The following PDC variants were observed in gnomAD, a reference collection of about 807,000 sequenced individuals.
The protein encoded by PDC is phosducin.
A neutral mutation model predicts 22.2 loss-of-function variants in PDC; 19 were observed. That is an observed-to-expected ratio of 0.86 (90% confidence interval 0.60 to 1.26). The LOEUF is 1.26. PDC is among the 50% of genes most tolerant of loss of function. PDC has a pLI of 0.00. For synonymous variants in PDC, 97 were observed against 96.2 expected (o/e 1.01, Z -0.05); for missense variants, 274 against 286.8 (o/e 0.96, Z 0.32).
At chr1:186,456,418 T>C (rs1018287131) in intron 1 of PDC, among the ~76,000 whole-genome samples, 1 of 152,200 alleles carries the variant, frequency 6.6e-6, no homozygotes, top group African/African-American at 2.4e-5. Context: ...TATTCCTTTT[T>C]TCTTTTTGCA....
intron 1 of PDC, among the ~76,000 whole-genome samples, chr1:186,458,016 G>A (rs1662503237): frequency 6.6e-6 from 1 of 152,032 alleles, no homozygotes; most frequent in African/African-American, 2.4e-5. Context: ...TTCAACAAAT[G>A]GGACTGGGCA....
At chr1:186,454,126 C>CTGAATGTAATA (rs1662404637) in intron 1 of PDC, among the ~76,000 whole-genome samples, 1 of 149,654 alleles carries the variant, frequency 6.7e-6, no homozygotes, top group Non-Finnish European at 1.5e-5. Context: ...TTAGTTTATA[C>CTGAATGTAATA]TGAATGTAAT....
At chr1:186,449,345 A>C in intron 2 of PDC, 54 bp downstream of exon 2, 6 of 1,012,650 alleles carry the variant, frequency 5.9e-6, no homozygotes, top group South Asian at 1.4e-5. Context: ...AACATTAGAT[A>C]TTGCCATATT....
intron 1 of PDC, among the ~76,000 whole-genome samples, chr1:186,455,994 A>AAAAAAATATATATATATAT (rs1553242743): frequency 1.3e-5 from 1 of 77,104 alleles, no homozygotes; most frequent in African/African-American, 6.9e-5. Context: ...AAAAAAAAAA[A>AAAAAAATATATATATATAT]ATATATATAT....
At chr1:186,454,168 CT>C (rs397860509) in intron 1 of PDC, among the ~76,000 whole-genome samples, 3,389 of 94,244 alleles carry the variant, frequency 0.036, 47 homozygotes, top group African/African-American at 0.14. Flanking sequence ...TCTTTTCTTT[CT>C]TTTTTTTTTT....
chr1:186,461,054 C>T lies in PDC; in HGVS notation c.-25+5G>A, dbSNP rs975836358. On this transcript the variant is annotated splice_donor_5th_base_variant and intron_variant, in intron 1 of 3. Coordinates refer to ENST00000391997, the MANE Select transcript of PDC (RefSeq NM_002597.5). The stretch of plus-strand genomic sequence containing the variant: ...TATTATCAAAAGGACTACTTGTGGA[C>T]TCACAGTTTGGATCTCTGTGCCTGG... 6.5e-6 allele frequency: 1 copy of T among 154,780 alleles called. No individual in the cohort carries two copies. The highest frequency in any genetic ancestry group is 2.4e-5 in the African/African-American group (1 of 41,516). 9.6% of individuals were successfully genotyped at this position (154,780 alleles called of 1,614,324 possible). A position where few individuals can be genotyped will look rare whatever the true frequency, so the allele number is the denominator to read the frequency against.
At position 186,443,882 on chromosome 1, in the gene PDC, G is replaced by A. The variant is rs111669176; in HGVS notation, c.*97C>T. On this transcript the variant is annotated 3_prime_UTR_variant, in exon 4 of 4. Coordinates refer to ENST00000391997, the MANE Select transcript of PDC (RefSeq NM_002597.5). ...TCATTTTTGTCAAGTTAGCATAGCCGTGCCCATACTCTGTGTTCACTAAAG... is the reference window on the plus strand; with the variant it reads ...TCATTTTTGTCAAGTTAGCATAGCCATGCCCATACTCTGTGTTCACTAAAG... 24 of 840,776 alleles carry A rather than the reference G, an allele frequency of 2.9e-5. No individual in the cohort carries two copies. Among genetic ancestry groups the A allele is most frequent in the Middle Eastern group, 3.4e-4 (1 of 2,956 alleles). 52.1% of individuals were successfully genotyped at this position (840,776 alleles called of 1,614,324 possible).
At chr1:186,452,777 G>T (rs531469752) in intron 1 of PDC, among the ~76,000 whole-genome samples, 80 of 152,226 alleles carry the variant, frequency 5.3e-4, no homozygotes, top group African/African-American at 1.9e-3. Flanking sequence ...ACAGGTCTTT[G>T]GGTAAGCACA....
At chr1:186,460,280 T>C (rs2102142111) in intron 1 of PDC, among the ~76,000 whole-genome samples, 1 of 152,344 alleles carries the variant, frequency 6.6e-6, no homozygotes. Flanking sequence ...TGCAGTGTAC[T>C]GAGTAGCTTG....
intron 2 of PDC, among the ~76,000 whole-genome samples, chr1:186,449,125 A>G (rs868162338): frequency 6.6e-6 from 1 of 152,092 alleles, no homozygotes; most frequent in Non-Finnish European, 1.5e-5. Context: ...TGGCTTAATT[A>G]TAGTGTAGAT....
intron 3 of PDC, 122 bp downstream of exon 3, chr1:186,446,304 T>C (rs1229224829): frequency 1.1e-5 from 7 of 638,308 alleles, no homozygotes; most frequent in Non-Finnish European, 1.7e-5. Context: ...CCATTTTTTT[T>C]TGCCAGCGTA....
chr1:186,446,386 C>T (rs1662227793), intron 3 of PDC, 40 bp downstream of exon 3: 2 of 1,431,792 alleles, frequency 1.4e-6, no homozygotes, highest in Non-Finnish European at 1.9e-6. Flanking sequence ...TTAGAAAACA[C>T]ATTGTAAATT....
Position 186,446,469 on chromosome 1 carries a change from T to C in PDC, c.170A>G (p.Gln57Arg). The C allele has an allele frequency of 6.2e-7, 1 of 1,609,370 alleles. No homozygotes were observed. Among genetic ancestry groups the C allele is most frequent in the Non-Finnish European group, 8.5e-7 (1 of 1,176,568 alleles). The change falls in exon 3 of 4, where the codon CAG becomes CGG. Residue 57 changes from glutamine to arginine, a missense_variant. Gln to Arg is a conservative substitution (Grantham distance 43, BLOSUM62 1). Coordinates refer to ENST00000391997, the MANE Select transcript of PDC (RefSeq NM_002597.5). ...CTTTGAATCTTTGCCATTCCTACTC[T>C]GAGGAGAAGACATTTGCCTGAGAAT... Reference protein sequence around the residue: ...KEILRQMSSPQSRNGKDSKER... With the variant: ...KEILRQMSSPRSRNGKDSKER...
intron 1 of PDC, among the ~76,000 whole-genome samples, chr1:186,458,140 T>C (rs983016682): frequency 2.0e-5 from 3 of 151,378 alleles, no homozygotes; most frequent in Admixed American, 1.3e-4. Flanking sequence ...TCTGGAAATA[T>C]GAGCTTTAAA....
At chr1:186,448,591 C>T in intron 2 of PDC, 2 of 452,014 alleles carry the variant, frequency 4.4e-6, no homozygotes, top group Non-Finnish European at 2.9e-6. Flanking sequence ...CTTCATCCAT[C>T]CATCCTTCCT....
rs2102126436 is a variant in PDC at position 186,444,459 on chromosome 1, T to C, written c.261A>G (p.Glu87=). The part of the protein sequence containing the change: ...YELIHKEKED[E]NCLRKYRRQC... ...GTCTACGGTATTTACGAAGGCAGTT[T>C]TCATCCTCTTTCTCTTTATGGATTA... Residue 87 remains glutamate, a synonymous_variant, in exon 4 of 4, where the codon GAA becomes GAG. Transcript: ENST00000391997. 6.2e-7 allele frequency: 1 copy of C among 1,609,368 alleles called. No individual in the cohort carries two copies. Among genetic ancestry groups the C allele is most frequent in the Non-Finnish European group, 8.5e-7 (1 of 1,175,892 alleles).
chr1:186,453,055 A>G (rs990699785), intron 1 of PDC, among the ~76,000 whole-genome samples: 6 of 152,192 alleles, frequency 3.9e-5, no homozygotes, highest in African/African-American at 1.4e-4. Flanking sequence ...GTAATAGTAA[A>G]AGCTAATATT....
intron 1 of PDC, among the ~76,000 whole-genome samples, chr1:186,455,994 A>AAAAATATAT (rs1553242743): frequency 1.2e-4 from 9 of 77,102 alleles, no homozygotes; most frequent in Non-Finnish European, 1.7e-4. Flanking sequence ...AAAAAAAAAA[A>AAAAATATAT]ATATATATAT....
chr1:186,456,208 T>C (rs1444126455), intron 1 of PDC, among the ~76,000 whole-genome samples: 1 of 151,664 alleles, frequency 6.6e-6, no homozygotes, highest in Non-Finnish European at 1.5e-5. Flanking sequence ...ATACAGCATA[T>C]ATACTCACTT....
Sources: allele counts gnomAD v4.1 joint callset (sites outside exome capture counted in the v4.1 genomes callset), GRCh38; gene constraint gnomAD v4.1.1; transcripts MANE v1.5; gene names NCBI Gene and HGNC (gene_info 2026-07-23, HGNC 2026-07-21).